Variants in ATP8B4 observed in about 807,000 individuals in gnomAD.
ATP8B4 encodes probable phospholipid-transporting ATPase IM.
In ATP8B4, 133 loss-of-function variants were observed where a neutral mutation model predicts 145.6. The ratio of observed to expected loss-of-function variants is 0.91; its 90% confidence interval spans 0.79 to 1.05. ATP8B4 has a LOEUF of 1.05. Among genes scored for constraint, ATP8B4 ranks in the 50% least tolerant of loss-of-function variants. The pLI is 0.00. For synonymous variants in ATP8B4, 507 were observed against 492.9 expected, an observed-to-expected ratio of 1.03 and a Z score of -0.38; for missense variants, 1,458 against 1,425.2, an observed-to-expected ratio of 1.02 and a Z score of -0.37.
At chr15:49,968,639 G>A (rs567369347) in intron 13 of ATP8B4, among the ~76,000 whole-genome samples, 71 of 148,746 alleles carry the variant, frequency 4.8e-4, no homozygotes, top group Non-Finnish European at 8.8e-4. Flanking sequence ...TCTTAGAGAC[G>A]TACAAACAGA....
intron 1 of ATP8B4, among the ~76,000 whole-genome samples, chr15:50,114,244 G>A (rs1222193265): frequency 6.7e-6 from 1 of 149,232 alleles, no homozygotes; most frequent in Non-Finnish European, 1.5e-5. Context: ...CCAATTTGTA[G>A]TCCTTTATTC....
chr15:50,172,187 T>C (rs555789721), intron 1 of ATP8B4, among the ~76,000 whole-genome samples: 1 of 152,372 alleles, frequency 6.6e-6, no homozygotes, highest in Admixed American at 6.5e-5. Context: ...CTCCCTCTGA[T>C]GCCGAGCGGA....
intron 25 of ATP8B4, among the ~76,000 whole-genome samples, chr15:49,869,640 C>A (rs2033374939): frequency 6.6e-6 from 1 of 152,066 alleles, no homozygotes; most frequent in African/African-American, 2.4e-5. Flanking sequence ...GAATCATAAT[C>A]ACAATGGCAA....
chr15:49,998,626 G>A (rs1309623355), intron 8 of ATP8B4, among the ~76,000 whole-genome samples: 1 of 152,160 alleles, frequency 6.6e-6, no homozygotes, highest in Non-Finnish European at 1.5e-5. Flanking sequence ...GTTCATTGTA[G>A]ATTCTGGATA....
chr15:50,140,433 C>T (rs966052524), intron 1 of ATP8B4, among the ~76,000 whole-genome samples: 5 of 152,072 alleles, frequency 3.3e-5, no homozygotes, highest in Admixed American at 2.6e-4. Flanking sequence ...TCCCTGTCTA[C>T]CCAGCACTGG....
chr15:49,988,047 C>G (rs2046767062), intron 9 of ATP8B4, among the ~76,000 whole-genome samples: 1 of 152,186 alleles, frequency 6.6e-6, no homozygotes, highest in Non-Finnish European at 1.5e-5. Flanking sequence ...CAGAAAGAAA[C>G]CTGGGCCTTG....
intron 1 of ATP8B4, among the ~76,000 whole-genome samples, chr15:50,147,643 C>T (rs749418002): frequency 3.3e-5 from 5 of 152,058 alleles, no homozygotes; most frequent in Non-Finnish European, 5.9e-5. Flanking sequence ...TTCAGAACAT[C>T]AGAACATGCT....
At chr15:50,121,912 AT>A, upstream of ATP8B4, among the ~76,000 whole-genome samples, 1 of 152,306 alleles carries the variant, frequency 6.6e-6, no homozygotes, top group Admixed American at 6.5e-5. Context: ...AGGAATTTTA[AT>A]TAAGTATCTG....
At chr15:50,106,151 A>G (rs1273226161) in intron 2 of ATP8B4, among the ~76,000 whole-genome samples, 2 of 152,316 alleles carry the variant, frequency 1.3e-5, no homozygotes, top group South Asian at 2.1e-4. Flanking sequence ...CCTATCAGGG[A>G]CGATATTGGA....
At chr15:50,075,274 G>A (rs207475483) in intron 2 of ATP8B4, among the ~76,000 whole-genome samples, 2 of 151,874 alleles carry the variant, frequency 1.3e-5, no homozygotes, top group East Asian at 3.9e-4. Context: ...AAATGAGGGA[G>A]ATGAAGAGGG....
intron 1 of ATP8B4, chr15:50,114,324 C>T (rs2057098073): frequency 6.6e-6 from 1 of 151,934 alleles, no homozygotes; most frequent in Non-Finnish European, 1.5e-5. Flanking sequence ...CCTTTGCATC[C>T]TCATAGCTTA....
At chr15:49,981,160 A>G in intron 11 of ATP8B4, 46 bp downstream of exon 11, 2 of 1,394,530 alleles carry the variant, frequency 1.4e-6, no homozygotes, top group Non-Finnish European at 1.0e-6. Flanking sequence ...CAGTAAATGT[A>G]CTAAGATAAC....
intron 2 of ATP8B4, among the ~76,000 whole-genome samples, chr15:50,087,532 T>C (rs2055299410): frequency 1.3e-5 from 2 of 151,058 alleles, no homozygotes; most frequent in Non-Finnish European, 3.0e-5. Flanking sequence ...ATGCTTATTA[T>C]ACTTAGTAAG....
intron 19 of ATP8B4, among the ~76,000 whole-genome samples, chr15:49,917,519 T>TTA (rs2039866082): frequency 6.6e-6 from 1 of 152,204 alleles, no homozygotes; most frequent in Non-Finnish European, 1.5e-5. Flanking sequence ...TATGAAATTT[T>TTA]TATAGTTCTC....
intron 3 of ATP8B4, among the ~76,000 whole-genome samples, chr15:50,072,946 C>G: frequency 3.8e-5 from 1 of 26,342 alleles, no homozygotes; most frequent in African/African-American, 1.7e-4. Context: ...CTCTCTCTCT[C>G]TCTCTCTCTC....
intron 1 of ATP8B4, among the ~76,000 whole-genome samples, chr15:50,134,379 C>T (rs921085217): frequency 9.9e-5 from 15 of 152,144 alleles, no homozygotes; most frequent in Non-Finnish European, 1.9e-4. Context: ...GGGTCAAGAT[C>T]AGAGCAGACT....
intron 12 of ATP8B4, among the ~76,000 whole-genome samples, chr15:49,974,163 A>G (rs2045454214): frequency 6.7e-6 from 1 of 150,224 alleles, no homozygotes; most frequent in Non-Finnish European, 1.5e-5. Flanking sequence ...GCTCACTGCA[A>G]CTTCCGCCTC....
chr15:50,060,061 C>T (rs1305289195), intron 3 of ATP8B4, among the ~76,000 whole-genome samples: 5 of 152,112 alleles, frequency 3.3e-5, no homozygotes, highest in Admixed American at 2.6e-4. Context: ...AAACTGAAAC[C>T]CAGAAAGGCT....
upstream of ATP8B4, among the ~76,000 whole-genome samples, chr15:50,120,255 T>C (rs1443184285): frequency 2.0e-5 from 3 of 152,134 alleles, no homozygotes; most frequent in African/African-American, 7.2e-5. Context: ...GGCCTTTTCC[T>C]ACCAAGGTTC....
Sources: allele counts gnomAD v4.1 joint callset (sites outside exome capture counted in the v4.1 genomes callset), GRCh38; gene constraint gnomAD v4.1.1; transcripts MANE v1.5; gene names NCBI Gene and HGNC (gene_info 2026-07-23, HGNC 2026-07-21).